CFAP54: variants seen among roughly 807,000 people sequenced by gnomAD.
CFAP54 encodes the protein cilia and flagella associated protein 54.
Under a neutral mutation model 370.4 loss-of-function variants are expected in CFAP54, and 290 were observed. The ratio of observed to expected loss-of-function variants is 0.78; its 90% confidence interval spans 0.71 to 0.86. CFAP54 has a LOEUF of 0.86. CFAP54 is among the 40% of genes least tolerant of loss of function. The pLI, the probability that CFAP54 is intolerant of heterozygous loss-of-function variation, is 0.00. For missense variants in CFAP54, 3,399 were observed against 3,528.7 expected (o/e 0.96, Z 0.93); for synonymous variants, 1,206 against 1,236.5 (o/e 0.98, Z 0.52).
chr12:96,563,787 C>T (rs901476040), intron 17 of CFAP54, among the ~76,000 whole-genome samples: 1 of 152,170 alleles, frequency 6.6e-6, no homozygotes, highest in African/African-American at 2.4e-5. Context: ...AAAATACTAC[C>T]AGGTCTCTTA....
Position 96,539,164 on chromosome 12 carries a change from G to A in CFAP54, c.1926+646G>A, listed in dbSNP as rs1451457489. On this transcript the variant is annotated intron_variant, in intron 13 of 67. Transcript: ENST00000524981. Reference sequence around the variant, plus strand: ...CAACCTCTGCCTGCCGGGTTCAAGCGATTCTCCTGCCTCAGCTTCTGGAGT... The same window carrying A: ...CAACCTCTGCCTGCCGGGTTCAAGCAATTCTCCTGCCTCAGCTTCTGGAGT... 4.0e-5 allele frequency among the ~76,000 whole-genome samples: 6 copies of A among 148,578 alleles called. No individual in the cohort carries two copies. The East Asian group carries it at 8.1e-4, about 20-fold the overall frequency.
chr12:96,518,977 C>T lies in CFAP54; in HGVS notation c.848C>T (p.Pro283Leu), dbSNP rs1212528104. ...AGCATGTGTATGGAGTCCTTGGTCC[C>T]GCTCCTGTCACTCAGGTACTTGACA... Reference protein sequence around the residue: ...WASMCMESLVPLLSLRYLTWR... With the variant: ...WASMCMESLVLLLSLRYLTWR... The change falls in exon 6 of 68, where the codon CCG becomes CTG. Residue 283 changes from proline (P) to leucine (L), a missense_variant. Physicochemically the swap from Pro to Leu is moderately conservative, Grantham distance 98 (BLOSUM62 -3). Around this residue, in one of 3 missense-constraint regions of CFAP54, gnomAD observed 559 missense variants for 576.7 expected, o/e 0.97. Transcript: ENST00000524981. 29 of 1,535,996 alleles carry T rather than the reference C, an allele frequency of 1.9e-5. No individual in the cohort carries two copies. The highest frequency in any genetic ancestry group is 7.3e-5 in the East Asian group (3 of 40,906).
At chr12:96,864,898 A>G (rs1412456615) in intron 67 of CFAP54, among the ~76,000 whole-genome samples, 1 of 152,202 alleles carries the variant, frequency 6.6e-6, no homozygotes, top group African/African-American at 2.4e-5. Context: ...CTGAAAACTT[A>G]AATGAAATAT....
At chr12:96,577,044 A>G (rs1188124650) in intron 20 of CFAP54, among the ~76,000 whole-genome samples, 1 of 152,200 alleles carries the variant, frequency 6.6e-6, no homozygotes, top group Non-Finnish European at 1.5e-5. Flanking sequence ...CCTTGTCACC[A>G]TGACACACCA....
At chr12:96,826,251 A>G (rs1361471037) in intron 65 of CFAP54, among the ~76,000 whole-genome samples, 2 of 144,640 alleles carry the variant, frequency 1.4e-5, no homozygotes, top group East Asian at 2.0e-4. Context: ...GGGTTCTAAA[A>G]CCATAGATAA....
chr12:96,825,443 GT>G (rs1203646652), intron 65 of CFAP54, among the ~76,000 whole-genome samples: 4 of 111,882 alleles, frequency 3.6e-5, no homozygotes, highest in African/African-American at 1.5e-4. Flanking sequence ...TATAATATAT[GT>G]TATATTATAT....
chr12:96,491,701 A>C (rs1485572850), intron 1 of CFAP54, among the ~76,000 whole-genome samples: 1 of 152,208 alleles, frequency 6.6e-6, no homozygotes, highest in African/African-American at 2.4e-5. Flanking sequence ...TGACTGGCCA[A>C]GTAAGATGAG....
In CFAP54 at chr12:96,534,964, G is replaced by A. The variant is rs183071169; in HGVS notation, c.1706-551G>A. ...TTGGAATGTTGGATTTATGATAATG[G>A]TCTATTTTAATTGGATTAGAGCCAC... On this transcript the variant is annotated intron_variant, in intron 11 of 67. Coordinates refer to ENST00000524981, the MANE Select transcript of CFAP54 (RefSeq NM_001306084.2). Among the ~76,000 whole-genome samples, 775 of 150,346 alleles carry A rather than the reference G, an allele frequency of 5.2e-3. 7 individuals carry two copies. The highest frequency in any genetic ancestry group is 0.018 in the African/African-American group (737 of 40,678).
At chr12:96,521,557 C>T (rs1399875495) in intron 6 of CFAP54, among the ~76,000 whole-genome samples, 2 of 150,820 alleles carry the variant, frequency 1.3e-5, no homozygotes, top group African/African-American at 4.9e-5. Context: ...TGCGCGTGCG[C>T]ACATGAGGAC....
intron 36 of CFAP54, among the ~76,000 whole-genome samples, chr12:96,655,279 C>A (rs1592690949): frequency 6.8e-6 from 1 of 147,344 alleles, no homozygotes. Context: ...CATTTAAATA[C>A]ATTTATCACT....
intron 16 of CFAP54, 106 bp from the exon 17 acceptor site, chr12:96,554,570 A>T: frequency 5.0e-6 from 6 of 1,212,048 alleles, no homozygotes; most frequent in Non-Finnish European, 6.7e-6. Context: ...GCAGAATGTA[A>T]TGGTTACAAA....
At chr12:96,685,464 G>A (rs1021019409) in intron 42 of CFAP54, among the ~76,000 whole-genome samples, 2 of 152,054 alleles carry the variant, frequency 1.3e-5, no homozygotes, top group Non-Finnish European at 2.9e-5. Context: ...AGTGTCACCC[G>A]GGCCCAGGTG....
At chr12:96,505,502 CTT>C (rs58264783) in intron 3 of CFAP54, among the ~76,000 whole-genome samples, 12 of 133,446 alleles carry the variant, frequency 9.0e-5, no homozygotes, top group Admixed American at 2.4e-4. Flanking sequence ...AATAGCCTCA[CTT>C]TTTTTTTTTT....
chr12:96,814,395 G>A (rs951811250), intron 64 of CFAP54, among the ~76,000 whole-genome samples: 2 of 152,118 alleles, frequency 1.3e-5, no homozygotes, highest in African/African-American at 4.8e-5. Context: ...GGAACCTCAG[G>A]GTCAGAGAGA....
chr12:96,490,222 G>T (rs563340965), intron 1 of CFAP54, among the ~76,000 whole-genome samples: 3 of 152,348 alleles, frequency 2.0e-5, no homozygotes, highest in Admixed American at 2.0e-4. Context: ...GGTAACATAA[G>T]CAGGAAAGAA....
At position 96,515,433 on chromosome 12, in the gene CFAP54, T is replaced by C. The variant is rs189454121; in HGVS notation, c.798+2389T>C. Among the ~76,000 whole-genome samples, 779 of 152,312 alleles carry C rather than the reference T, an allele frequency of 5.1e-3. 11 individuals carry two copies. The highest frequency in any genetic ancestry group is 0.018 in the African/African-American group (735 of 41,566). On this transcript the variant is annotated intron_variant, in intron 5 of 67. Coordinates refer to ENST00000524981, the MANE Select transcript of CFAP54 (RefSeq NM_001306084.2). ...GCACCTGAAGATCTGAATGACATTC[T>C]TTCTGTTTCAAGGAAATTAATAATT... is the stretch of plus-strand genomic sequence containing the variant.
intron 47 of CFAP54, among the ~76,000 whole-genome samples, chr12:96,708,260 C>G (rs1395239231): frequency 2.6e-5 from 4 of 152,144 alleles, no homozygotes; most frequent in Non-Finnish European, 2.9e-5. Flanking sequence ...TTTACTTACA[C>G]TAAAGCAGAG....
rs1006553197 is a variant in CFAP54, at chr12:96,773,882, G to A, written c.8281+8664G>A. On this transcript the variant is annotated intron_variant, in intron 60 of 67. Transcript: ENST00000524981. ...TTGGGTCAATTCCCATAAAGCAAAT[G>A]TCTAGATCAAAGGGTGATTTCATTT... 9.2e-5 allele frequency among the ~76,000 whole-genome samples: 14 copies of A among 152,268 alleles called. 1 individual carries two copies. The highest frequency in any genetic ancestry group is 8.5e-4 in the Admixed American group (13 of 15,302).
Position 96,629,454 on chromosome 12 carries a change from T to C in CFAP54, c.4104-639T>C, listed in dbSNP as rs1370231198. Among the ~76,000 whole-genome samples, 3 of 149,654 alleles carry C rather than the reference T, an allele frequency of 2.0e-5. No homozygotes were observed. In the Admixed American group the frequency reaches 2.0e-4, roughly 10 times the overall value. On this transcript the variant is annotated intron_variant, in intron 30 of 67. Coordinates refer to ENST00000524981, the MANE Select transcript of CFAP54 (RefSeq NM_001306084.2). Reference sequence around the variant, plus strand: ...AAGTAGCTGGACTACAGTAGGCGCCTGCCACCACGCCCAACTAATTTTTTT... The same window carrying C: ...AAGTAGCTGGACTACAGTAGGCGCCCGCCACCACGCCCAACTAATTTTTTT...
Sources: allele counts gnomAD v4.1 joint callset (sites outside exome capture counted in the v4.1 genomes callset), GRCh38; gene constraint gnomAD v4.1.1; regional missense constraint gnomAD v4.1.1; transcripts MANE v1.5; gene names NCBI Gene and HGNC (gene_info 2026-07-23, HGNC 2026-07-21).